The following CSMD1 variants were observed in gnomAD, a reference collection of about 807,000 sequenced individuals.
CSMD1 encodes the protein CUB and Sushi multiple domains 1, also known as CUB and sushi domain-containing protein 1.
In CSMD1, 213 loss-of-function variants were observed where a neutral mutation model predicts 417.5. That is an observed-to-expected ratio of 0.51 (90% CI 0.46 to 0.57). The LOEUF (loss-of-function observed/expected upper bound fraction) is 0.57, where lower values mean the gene tolerates loss of function less well. Ranked by LOEUF, CSMD1 falls within the 20% of genes least tolerant of loss-of-function variation. CSMD1 has a pLI of 0.00. For missense variants in CSMD1, 6,923 were observed against 4,529.7 expected (o/e 1.53, Z -15.17); for synonymous variants, 2,862 against 1,736.8 (o/e 1.65, Z -16.11).
At chr8:4,585,719 C>T (rs1057398589) in intron 2 of CSMD1, among the ~76,000 whole-genome samples, 3 of 152,024 alleles carry the variant, frequency 2.0e-5, no homozygotes, top group African/African-American at 7.2e-5. Context: ...CTTTAAAGTG[C>T]TATAATAAAA....
intron 25 of CSMD1, among the ~76,000 whole-genome samples, chr8:3,294,356 A>T (rs1009556142): frequency 6.6e-6 from 1 of 152,168 alleles, no homozygotes; most frequent in Non-Finnish European, 1.5e-5. Context: ...AAGCTGTCAG[A>T]CAGGGACATT....
intron 46 of CSMD1, among the ~76,000 whole-genome samples, chr8:3,102,856 A>C (rs1230010920): frequency 6.6e-6 from 1 of 152,228 alleles, no homozygotes; most frequent in Non-Finnish European, 1.5e-5. Context: ...CTGGGCCTTG[A>C]AGCATGACAA....
intron 46 of CSMD1, among the ~76,000 whole-genome samples, chr8:3,105,101 A>G (rs1381708530): frequency 6.6e-6 from 1 of 152,246 alleles, no homozygotes; most frequent in Non-Finnish European, 1.5e-5. Flanking sequence ...TTCCATTTAC[A>G]GGGAAGGCAG....
At chr8:3,618,394 T>C (rs1429480877) in intron 7 of CSMD1, among the ~76,000 whole-genome samples, 1 of 152,226 alleles carries the variant, frequency 6.6e-6, no homozygotes, top group East Asian at 1.9e-4. Context: ...TTATGTGGTT[T>C]CATTCTTAGT....
At position 3,602,900 on chromosome 8, in the gene CSMD1, A is replaced by C. The variant is rs528408472; in HGVS notation, c.1097+13810T>G. Among the ~76,000 whole-genome samples, 30 of 152,318 alleles carry C rather than the reference A, an allele frequency of 2.0e-4. No individual in the cohort carries two copies. In the East Asian group the frequency reaches 2.9e-3, roughly 15 times the overall value. On this transcript the variant is annotated intron_variant, in intron 8 of 69. Coordinates refer to ENST00000635120, the MANE Select transcript of CSMD1 (RefSeq NM_033225.6). ...GAAGCTAACAAATTAATATAGGCTC[A>C]AGTAACAATCACCTATTTTCTCAGA...
intron 1 of CSMD1, among the ~76,000 whole-genome samples, chr8:4,878,827 G>T (rs746563760): frequency 6.6e-6 from 1 of 151,806 alleles, no homozygotes; most frequent in Non-Finnish European, 1.5e-5. Context: ...GTACAGAGGA[G>T]AAATTTTTAA....
chr8:3,106,691 T>C, intron 45 of CSMD1, 50 bp from the exon 46 acceptor site: 1 of 1,057,438 alleles, frequency 9.5e-7, no homozygotes, highest in Non-Finnish European at 1.4e-6. Context: ...ACCTTCTGAG[T>C]GTGTGAAGGT....
At chr8:3,655,992 G>T (rs1178682041) in intron 7 of CSMD1, among the ~76,000 whole-genome samples, 1 of 152,094 alleles carries the variant, frequency 6.6e-6, no homozygotes, top group Non-Finnish European at 1.5e-5. Context: ...TCACTGAAAG[G>T]GTTGGTGAAA....
intron 3 of CSMD1, among the ~76,000 whole-genome samples, chr8:4,332,552 T>TACACACACACACACAC (rs368534632): frequency 1.6e-5 from 2 of 128,814 alleles, no homozygotes; most frequent in Admixed American, 8.5e-5. Flanking sequence ...TGATATCACA[T>TACACACACACACACAC]ACACACACAC....
chr8:4,253,678 G>T (rs1451364246), intron 3 of CSMD1, among the ~76,000 whole-genome samples: 1 of 151,628 alleles, frequency 6.6e-6, no homozygotes. Flanking sequence ...AACATACATT[G>T]ATTCTGCAAT....
chr8:3,789,410 TTTTTTTTTTTAAGTA>T (rs1799611745), intron 5 of CSMD1, among the ~76,000 whole-genome samples: 1 of 1,852 alleles, frequency 5.4e-4, no homozygotes, highest in Non-Finnish European at 1.0e-3. Flanking sequence ...TTAAGTAAGT[TTTTTTTTTTTAAGTA>T]GTGTTTTTTT....
intron 25 of CSMD1, among the ~76,000 whole-genome samples, chr8:3,306,692 T>G (rs11136603): frequency 0.31 from 46,867 of 152,072 alleles, 7,625 homozygotes; most frequent in South Asian, 0.41. Context: ...AAAAATACAT[T>G]TTAAAAAGGA....
At chr8:3,808,926 G>C (rs932820122) in intron 5 of CSMD1, among the ~76,000 whole-genome samples, 2 of 152,132 alleles carry the variant, frequency 1.3e-5, no homozygotes, top group African/African-American at 4.8e-5. Flanking sequence ...CCTCAATTCC[G>C]TGTTAGTGCT....
intron 8 of CSMD1, among the ~76,000 whole-genome samples, chr8:3,613,737 A>ACAAACC (rs71203455): frequency 6.9e-6 from 1 of 144,472 alleles, no homozygotes; most frequent in East Asian, 2.1e-4. Flanking sequence ...ACACACACAC[A>ACAAACC]CCTCAAAAAA....
chr8:3,499,355 G>T (rs568845829), intron 10 of CSMD1, among the ~76,000 whole-genome samples: 1 of 152,146 alleles, frequency 6.6e-6, no homozygotes, highest in South Asian at 2.1e-4. Context: ...CTTTGGGGTG[G>T]CCTTGTTTTG....
chr8:4,341,943 T>C (rs1459147963), intron 3 of CSMD1, among the ~76,000 whole-genome samples: 1 of 152,124 alleles, frequency 6.6e-6, no homozygotes, highest in Admixed American at 6.6e-5. Context: ...CTTTGTCCAA[T>C]GGACTGACAC....
At chr8:3,724,852 T>C (rs1020324293) in intron 6 of CSMD1, among the ~76,000 whole-genome samples, 3 of 152,222 alleles carry the variant, frequency 2.0e-5, no homozygotes, top group Admixed American at 2.0e-4. Flanking sequence ...ATGGCAGATA[T>C]CAGAAGCTTT....
At chr8:4,744,610 G>C (rs182591437) in intron 1 of CSMD1, among the ~76,000 whole-genome samples, 1 of 152,104 alleles carries the variant, frequency 6.6e-6, no homozygotes, top group Non-Finnish European at 1.5e-5. Flanking sequence ...GCAAAAATTA[G>C]CCATTTTCAT....
chr8:4,184,197 G>T (rs1021130985), intron 3 of CSMD1, among the ~76,000 whole-genome samples: 1 of 152,188 alleles, frequency 6.6e-6, no homozygotes, highest in Non-Finnish European at 1.5e-5. Context: ...ATCTGTGTCA[G>T]TCTGAGCCTA....
Sources: gnomAD v4.1 joint callset for allele counts (sites outside exome capture counted in the v4.1 genomes callset) on GRCh38, gnomAD v4.1.1 for gene constraint, MANE v1.5 for transcripts, NCBI Gene and HGNC (gene_info 2026-07-23, HGNC 2026-07-21) for gene names.